Variants in DMD observed in about 807,000 individuals in gnomAD.
The protein encoded by DMD is dystrophin, also known as mutant dystrophin.
Under a neutral mutation model 330.1 loss-of-function variants are expected in DMD, and 63 were observed. The observed-to-expected ratio is 0.19, with a 90% confidence interval of 0.16 to 0.24. The LOEUF is 0.24. Among genes scored for constraint, DMD ranks in the 10% least tolerant of loss-of-function variants. DMD has a pLI of 1.00. For missense variants in DMD, 3,344 were observed against 2,684.1 expected (o/e 1.25, Z -5.43); for synonymous variants, 1,223 against 959.8 (o/e 1.27, Z -5.07).
intron 11 of DMD, among the ~76,000 whole-genome samples, chrX:32,643,852 G>A (rs778843992): frequency 9.0e-5 from 10 of 111,656 alleles, no homozygotes; most frequent in Non-Finnish European, 1.5e-4. Flanking sequence ...TTTAATGTTT[G>A]GAGGAAAACC....
intron 62 of DMD, chrX:31,266,926 C>A (rs1302185818): frequency 8.6e-7 from 1 of 1,158,643 alleles, no homozygotes; most frequent in Admixed American, 2.6e-5. Context: ...GCCGCCGCCG[C>A]CGCCCAAGCT....
intron 29 of DMD, among the ~76,000 whole-genome samples, chrX:32,435,037 ACT>A (rs1463642999): frequency 9.2e-6 from 1 of 108,687 alleles, no homozygotes; most frequent in Non-Finnish European, 1.9e-5. Flanking sequence ...TTATTTTAAC[ACT>A]CTGCTTAATC....
chrX:31,425,006 C>G (rs923484461), intron 60 of DMD, among the ~76,000 whole-genome samples: 4 of 111,918 alleles, frequency 3.6e-5, no homozygotes, highest in African/African-American at 1.3e-4. Context: ...AAAGACACAC[C>G]ACTATATATA....
chrX:31,473,711 C>CAAAAAA lies in DMD; in HGVS notation c.8937+4389_8937+4394dup, dbSNP rs55752684. Among the ~76,000 whole-genome samples the CAAAAAA allele has an allele frequency of 2.5e-4, 10 of 40,144 alleles. 1 individual carries two copies. The highest frequency in any genetic ancestry group is 8.9e-4 in the African/African-American group (10 of 11,182). The allele number at this position is 40,144 out of a possible 115,157, so 34.9% of individuals were successfully genotyped here. A position where few individuals can be genotyped will look rare whatever the true frequency, so the allele number is the denominator to read the frequency against. On this transcript the variant is annotated intron_variant, in intron 59 of 78. Coordinates refer to ENST00000357033, the MANE Select transcript of DMD (RefSeq NM_004006.3). ...CTGGTGACAGAGTGAGACTCTGTCT[C>CAAAAAA]AAAAAAAAAAAAAAAAAGAAAACAA...
At chrX:32,615,614 A>G (rs1211204399) in intron 11 of DMD, among the ~76,000 whole-genome samples, 1 of 111,755 alleles carries the variant, frequency 8.9e-6, no homozygotes, top group East Asian at 2.8e-4. Context: ...TGTTATTTTG[A>G]ATACATAATT....
chrX:31,167,311 TAAG>T (rs1008935021), intron 74 of DMD, among the ~76,000 whole-genome samples: 20 of 111,474 alleles, frequency 1.8e-4, no homozygotes, highest in African/African-American at 5.9e-4. Context: ...ATAGCGTTTG[TAAG>T]AAGATTAAAT....
intron 1 of DMD, among the ~76,000 whole-genome samples, chrX:33,062,519 C>G (rs1218702402): frequency 1.8e-5 from 2 of 112,038 alleles, no homozygotes; most frequent in African/African-American, 6.5e-5. Flanking sequence ...TTCTGTTGCC[C>G]AGGCTGGAGT....
chrX:32,613,112 A>G (rs888315957), intron 12 of DMD, among the ~76,000 whole-genome samples: 2 of 111,991 alleles, frequency 1.8e-5, no homozygotes, highest in Non-Finnish European at 3.8e-5. Context: ...TAGAGTTGCC[A>G]GATAAAATAA....
intron 55 of DMD, among the ~76,000 whole-genome samples, chrX:31,585,486 C>CTT (rs61006241): frequency 3.7e-4 from 35 of 95,057 alleles, no homozygotes; most frequent in East Asian, 3.6e-3. Context: ...TGGCTTCTTC[C>CTT]TTTTTTTTTT....
intron 71 of DMD, 151 bp downstream of exon 71, chrX:31,177,781 A>G (rs985080332): frequency 4.4e-6 from 2 of 451,548 alleles, no homozygotes; most frequent in Non-Finnish European, 7.3e-6. Flanking sequence ...TCAAGAAAAG[A>G]AAAAAAAAAA....
chrX:31,415,485 T>G (rs769611322), intron 60 of DMD, among the ~76,000 whole-genome samples: 1 of 111,514 alleles, frequency 9.0e-6, no homozygotes, highest in East Asian at 2.8e-4. Context: ...AGTCCAGAGG[T>G]AGGGTCAGGT....
At chrX:32,535,084 G>T (rs749208949) in intron 17 of DMD, among the ~76,000 whole-genome samples, 1 of 111,506 alleles carries the variant, frequency 9.0e-6, no homozygotes, top group South Asian at 3.8e-4. Context: ...AAATGTAAAC[G>T]TTCTTCAAGA....
At chrX:32,603,339 C>A (rs2056390157) in intron 12 of DMD, among the ~76,000 whole-genome samples, 1 of 110,917 alleles carries the variant, frequency 9.0e-6, no homozygotes. Flanking sequence ...AACATACCTC[C>A]ACCTCTGGGA....
intron 2 of DMD, among the ~76,000 whole-genome samples, chrX:32,942,614 A>C (rs1467672589): frequency 8.9e-6 from 1 of 112,099 alleles, no homozygotes; most frequent in Admixed American, 9.5e-5. Context: ...AAAGTAGCAG[A>C]GGTAAATTGC....
intron 4 of DMD, among the ~76,000 whole-genome samples, chrX:32,827,757 T>G: frequency 9.5e-6 from 1 of 105,624 alleles, no homozygotes; most frequent in Non-Finnish European, 1.9e-5. Context: ...GCCTCCCGAG[T>G]TTCAAGCGAT....
chrX:32,621,647 G>C (rs1037638536), intron 11 of DMD, among the ~76,000 whole-genome samples: 1 of 110,322 alleles, frequency 9.1e-6, no homozygotes, highest in Non-Finnish European at 1.9e-5. Flanking sequence ...TTTATAAGTG[G>C]GATACAGAAA....
chrX:32,616,045 T>C (rs764414204), intron 11 of DMD, among the ~76,000 whole-genome samples: 1 of 111,343 alleles, frequency 9.0e-6, no homozygotes, highest in African/African-American at 3.3e-5. Context: ...TATTTTGTAG[T>C]ATGCCTCTCA....
chrX:32,320,060 G>T (rs2097604152), intron 41 of DMD, among the ~76,000 whole-genome samples: 1 of 110,627 alleles, frequency 9.0e-6, no homozygotes, highest in Non-Finnish European at 1.9e-5. Flanking sequence ...AGTAACACAA[G>T]AAAAAATAAG....
At position 31,473,083 on chromosome X, in the gene DMD, G is replaced by A. The variant is rs533189921; in HGVS notation, c.8937+5023C>T. On this transcript the variant is annotated intron_variant, in intron 59 of 78. Coordinates refer to ENST00000357033, the MANE Select transcript of DMD (RefSeq NM_004006.3). ...AGAAACTATGGTTTATAGTCTGGGCGCAGTGGCTCACGCCTGTAATCCCAG... is the reference window on the plus strand; with the variant it reads ...AGAAACTATGGTTTATAGTCTGGGCACAGTGGCTCACGCCTGTAATCCCAG... Among the ~76,000 whole-genome samples, 38 of 111,227 alleles carry A rather than the reference G, an allele frequency of 3.4e-4. No homozygotes were observed. The South Asian group carries it at 0.01, about 29-fold the overall frequency.
Sources: gnomAD v4.1 joint callset for allele counts (sites outside exome capture counted in the v4.1 genomes callset) on GRCh38, gnomAD v4.1.1 for gene constraint, MANE v1.5 for transcripts, NCBI Gene and HGNC (gene_info 2026-07-23, HGNC 2026-07-21) for gene names.